The following KCTD8 variants were observed in gnomAD, a reference collection of about 807,000 sequenced individuals.
KCTD8 encodes the protein potassium channel tetramerization domain containing 8, also known as BTB/POZ domain-containing protein KCTD8.
A neutral mutation model predicts 31.5 loss-of-function variants in KCTD8; 27 were observed. That is an observed-to-expected ratio of 0.86 (90% CI 0.63 to 1.18). KCTD8 has a LOEUF of 1.18. KCTD8 is among the 50% of genes most tolerant of loss of function. The probability of loss-of-function intolerance (pLI) is 0.00; values close to 1 mark genes in which losing one functional copy is unlikely to be tolerated. For synonymous variants in KCTD8, 290 were observed against 280.0 expected (o/e 1.04, Z -0.36); for missense variants, 658 against 647.7 (o/e 1.02, Z -0.17).
intron 1 of KCTD8, among the ~76,000 whole-genome samples, chr4:44,315,190 T>G (rs1718070118): frequency 6.6e-6 from 1 of 152,034 alleles, no homozygotes; most frequent in Non-Finnish European, 1.5e-5. Context: ...AAATTGTAAT[T>G]TCTTTTTTTA....
intron 1 of KCTD8, among the ~76,000 whole-genome samples, chr4:44,220,710 G>T (rs939226708): frequency 1.3e-5 from 2 of 152,132 alleles, no homozygotes; most frequent in Non-Finnish European, 1.5e-5. Flanking sequence ...GGCAAAAGTG[G>T]AAAGTTTAGG....
chr4:44,430,145 G>A (rs1024646707), intron 1 of KCTD8, among the ~76,000 whole-genome samples: 4 of 151,928 alleles, frequency 2.6e-5, no homozygotes, highest in Admixed American at 2.6e-4. Flanking sequence ...ATTGAAAGCT[G>A]TCTTCATGGA....
rs34459205 is a variant in KCTD8 at position 44,272,121 on chromosome 4, T to TTATA, written c.962-96875_962-96872dup. On this transcript the variant is annotated intron_variant, in intron 1 of 1. Coordinates refer to ENST00000360029, the MANE Select transcript of KCTD8 (RefSeq NM_198353.3). ...ATCAATAAATACCCATGGTATTATA[T>TTATA]TATATATATATATATATATAAATGC... is the stretch of plus-strand genomic sequence containing the variant. 4.3e-4 allele frequency among the ~76,000 whole-genome samples: 62 copies of TTATA among 142,540 alleles called. 1 individual carries two copies. Among genetic ancestry groups the TTATA allele is most frequent in the African/African-American group, 1.0e-3 (38 of 36,606 alleles). 93.5% of individuals were successfully genotyped at this position (142,540 alleles called of 152,430 possible). A position where few individuals can be genotyped will look rare whatever the true frequency, so the allele number is the denominator to read the frequency against.
intron 1 of KCTD8, among the ~76,000 whole-genome samples, chr4:44,285,818 TGATTCCTCTGATG>T (rs1161915095): frequency 6.6e-6 from 1 of 152,102 alleles, no homozygotes; most frequent in African/African-American, 2.4e-5. Context: ...CTAAAGATAG[TGATTCCTCTGATG>T]GATTCCTCTG....
chr4:44,266,945 G>A (rs1431670797), intron 1 of KCTD8, among the ~76,000 whole-genome samples: 9 of 151,732 alleles, frequency 5.9e-5, no homozygotes, highest in Non-Finnish European at 1.3e-4. Flanking sequence ...AATAATAATG[G>A]GAGACTTTAA....
chr4:44,259,041 A>C (rs1413008587), intron 1 of KCTD8, among the ~76,000 whole-genome samples: 1 of 151,930 alleles, frequency 6.6e-6, no homozygotes, highest in Non-Finnish European at 1.5e-5. Flanking sequence ...CTAAATATAT[A>C]ATTTCCACAA....
chr4:44,351,701 G>C (rs1719199393), intron 1 of KCTD8, among the ~76,000 whole-genome samples: 1 of 151,934 alleles, frequency 6.6e-6, no homozygotes, highest in African/African-American at 2.4e-5. Flanking sequence ...TGGTACAATA[G>C]AACATAGAGA....
intron 1 of KCTD8, among the ~76,000 whole-genome samples, chr4:44,225,306 G>A (rs565808317): frequency 1.3e-5 from 2 of 152,316 alleles, no homozygotes; most frequent in South Asian, 4.1e-4. Flanking sequence ...TGTTTCCACA[G>A]CTGAAGTCTT....
chr4:44,416,417 G>A (rs1721079278), intron 1 of KCTD8, among the ~76,000 whole-genome samples: 1 of 152,170 alleles, frequency 6.6e-6, no homozygotes, highest in Non-Finnish European at 1.5e-5. Flanking sequence ...AAGGGTATGA[G>A]TTTTGGGAGA....
At chr4:44,268,978 T>C (rs2109370818) in intron 1 of KCTD8, among the ~76,000 whole-genome samples, 1 of 152,144 alleles carries the variant, frequency 6.6e-6, no homozygotes, top group East Asian at 1.9e-4. Flanking sequence ...AGGTAATTTA[T>C]AGATTCAATG....
intron 1 of KCTD8, among the ~76,000 whole-genome samples, chr4:44,375,531 G>T (rs986625488): frequency 6.6e-6 from 1 of 152,040 alleles, no homozygotes; most frequent in Non-Finnish European, 1.5e-5. Flanking sequence ...AAAGACCCCT[G>T]GGCTTCCACA....
intron 1 of KCTD8, among the ~76,000 whole-genome samples, chr4:44,223,840 G>A (rs1370396352): frequency 6.6e-6 from 1 of 152,080 alleles, no homozygotes; most frequent in Non-Finnish European, 1.5e-5. Context: ...ATTGGAACAC[G>A]GTCATGTTTA....
At chr4:44,447,495 G>T in intron 1 of KCTD8, 68 bp downstream of exon 1, 2 of 1,447,934 alleles carry the variant, frequency 1.4e-6, no homozygotes, top group Non-Finnish European at 1.8e-6. Context: ...GCCTCCAGCG[G>T]GGCTCAAACT....
At chr4:44,430,098 GA>G (rs1042986181) in intron 1 of KCTD8, among the ~76,000 whole-genome samples, 25 of 151,858 alleles carry the variant, frequency 1.6e-4, no homozygotes, top group African/African-American at 6.0e-4. Context: ...TCTTAGCAGA[GA>G]ATCAAAGGAG....
At chr4:44,241,974 G>A (rs1715516052) in intron 1 of KCTD8, among the ~76,000 whole-genome samples, 1 of 152,138 alleles carries the variant, frequency 6.6e-6, no homozygotes. Context: ...TCTCCCCAAG[G>A]GGATGTTATT....
At chr4:44,181,599 C>T (rs1713407279) in intron 1 of KCTD8, among the ~76,000 whole-genome samples, 1 of 152,176 alleles carries the variant, frequency 6.6e-6, no homozygotes, top group Non-Finnish European at 1.5e-5. Context: ...CTAGCTACAA[C>T]CTCCACCTCC....
intron 1 of KCTD8, among the ~76,000 whole-genome samples, chr4:44,381,430 G>A (rs1265144190): frequency 6.6e-6 from 1 of 151,956 alleles, no homozygotes; most frequent in African/African-American, 2.4e-5. Context: ...AAAATGCTTA[G>A]CTATAAAGAC....
At chr4:44,290,821 G>T (rs185343103) in intron 1 of KCTD8, among the ~76,000 whole-genome samples, 62 of 151,904 alleles carry the variant, frequency 4.1e-4, no homozygotes, top group Non-Finnish European at 7.1e-4. Context: ...AGTATTAAGG[G>T]GAAAGTTTAT....
intron 1 of KCTD8, among the ~76,000 whole-genome samples, chr4:44,333,853 G>A (rs542165893): frequency 3.3e-5 from 5 of 152,030 alleles, no homozygotes; most frequent in Admixed American, 6.6e-5. Context: ...TATATTATTC[G>A]GTGCCAAAGA....
Sources: allele counts gnomAD v4.1 joint callset (sites outside exome capture counted in the v4.1 genomes callset), GRCh38; gene constraint gnomAD v4.1.1; transcripts MANE v1.5; gene names NCBI Gene and HGNC (gene_info 2026-07-23, HGNC 2026-07-21).